NT5C2: variants seen among roughly 807,000 people sequenced by gnomAD.
The protein encoded by NT5C2 is 5'-nucleotidase, cytosolic II.
A neutral mutation model predicts 76.1 loss-of-function variants in NT5C2; 58 were observed. The ratio of observed to expected loss-of-function variants is 0.76; its 90% CI spans 0.62 to 0.95. NT5C2 has a LOEUF of 0.95. Ranked by LOEUF, NT5C2 falls within the 40% of genes least tolerant of loss-of-function variation. The probability of loss-of-function intolerance (pLI) is 0.00; values close to 1 mark genes in which losing one functional copy is unlikely to be tolerated. For synonymous variants in NT5C2, 229 were observed against 237.4 expected (o/e 0.96, Z 0.32); for missense variants, 478 against 690.3 (o/e 0.69, Z 3.45).
chr10:103,162,723 T>C (rs1188509341), intron 3 of NT5C2, among the ~76,000 whole-genome samples: 1 of 152,190 alleles, frequency 6.6e-6, no homozygotes, highest in African/African-American at 2.4e-5. Context: ...TGAATGTATA[T>C]ATCCACAAAA....
At chr10:103,160,595 C>T (rs1425546751) in intron 3 of NT5C2, among the ~76,000 whole-genome samples, 1 of 152,130 alleles carries the variant, frequency 6.6e-6, no homozygotes, top group Non-Finnish European at 1.5e-5. Flanking sequence ...AACACCTAAA[C>T]AGACACTTCA....
At chr10:103,172,420 T>C (rs2088407163) in intron 3 of NT5C2, among the ~76,000 whole-genome samples, 1 of 151,452 alleles carries the variant, frequency 6.6e-6, no homozygotes, top group South Asian at 2.1e-4. Flanking sequence ...GGCTAATTTT[T>C]GTATTTTTAG....
chr10:103,110,503 C>T (rs2072722673), intron 4 of NT5C2, among the ~76,000 whole-genome samples: 1 of 151,632 alleles, frequency 6.6e-6, no homozygotes, highest in Non-Finnish European at 1.5e-5. Context: ...TATATACTAC[C>T]ACTGCAAAAA....
intron 4 of NT5C2, among the ~76,000 whole-genome samples, chr10:103,122,693 C>T (rs1034153774): frequency 2.6e-5 from 4 of 152,188 alleles, no homozygotes; most frequent in Admixed American, 1.3e-4. Context: ...TTCTCACCTT[C>T]CCCTAAAGCA....
chr10:103,146,361 A>G lies in NT5C2; in HGVS notation c.102-6882T>C, dbSNP rs980573348. On this transcript the variant is annotated intron_variant, in intron 3 of 18. Coordinates refer to ENST00000404739, the MANE Select transcript of NT5C2 (RefSeq NM_001351169.2). The stretch of plus-strand genomic sequence containing the variant: ...TCACAATTTCCTGGCCAAGTGCCCA[A>G]TGACAGTTAGTGCAACAACAAATGA... The G allele has an allele frequency of 6.1e-6, 6 of 985,298 alleles. No homozygotes were observed. In the African/African-American group the frequency reaches 7.0e-5, roughly 11 times the overall value. The allele number at this position is 985,298 out of a possible 1,614,324, so 61.0% of individuals were successfully genotyped here. A position where few individuals can be genotyped will look rare whatever the true frequency, so the allele number is the denominator to read the frequency against.
Position 103,089,965 on chromosome 10 carries a change from C to G in NT5C2, c.1450-57G>C. ...CAGGCAGAGCAAAGTAGCTACTCCC[C>G]AAATCCTAACCCCTCTCCTCTGTTA... On this transcript the variant is annotated intron_variant, in intron 18 of 18. Transcript: ENST00000404739. 17 of 1,410,532 alleles carry G rather than the reference C, an allele frequency of 1.2e-5. No individual in the cohort carries two copies. In the South Asian group the frequency reaches 2.1e-4, roughly 17 times the overall value. The allele number at this position is 1,410,532 out of a possible 1,614,324, so 87.4% of individuals were successfully genotyped here.
intron 3 of NT5C2, among the ~76,000 whole-genome samples, chr10:103,150,447 T>C (rs2082208142): frequency 6.6e-6 from 1 of 152,214 alleles, no homozygotes; most frequent in Non-Finnish European, 1.5e-5. Context: ...TTGGTTTGTT[T>C]CCAGCTTTCG....
At chr10:103,129,492 C>A (rs1241456257) in intron 4 of NT5C2, among the ~76,000 whole-genome samples, 11 of 110,462 alleles carry the variant, frequency 1.0e-4, no homozygotes, top group African/African-American at 1.4e-4. Flanking sequence ...TCAGCCCCCC[C>A]ACCCGGCCAG....
At chr10:103,174,706 A>C (rs2089379318) in intron 3 of NT5C2, 152 bp downstream of exon 3, 1 of 601,122 alleles carries the variant, frequency 1.7e-6, no homozygotes, top group Non-Finnish European at 3.0e-6. Flanking sequence ...ACTAGTAGTT[A>C]AAAGTCTCGA....
chr10:103,089,571 C>T lies in NT5C2; in HGVS notation c.*101G>A. ...TTTTCAGACGTACCTTTCATGGAGC[C>T]CCCTCCCTCCCCCGAGTAGAACCCT... On this transcript the variant is annotated 3_prime_UTR_variant, in exon 19 of 19. Coordinates refer to ENST00000404739, the MANE Select transcript of NT5C2 (RefSeq NM_001351169.2). The T allele has an allele frequency of 7.0e-7, 1 of 1,423,020 alleles. No individual in the cohort carries two copies. The highest frequency in any genetic ancestry group is 9.2e-7 in the Non-Finnish European group (1 of 1,086,474). The allele number at this position is 1,423,020 out of a possible 1,614,324, so 88.1% of individuals were successfully genotyped here. A position where few individuals can be genotyped will look rare whatever the true frequency, so the allele number is the denominator to read the frequency against.
intron 3 of NT5C2, among the ~76,000 whole-genome samples, chr10:103,149,370 G>A (rs981710977): frequency 2.0e-5 from 3 of 152,128 alleles, no homozygotes; most frequent in Non-Finnish European, 2.9e-5. Flanking sequence ...AATATTTAAG[G>A]AAAAGACATT....
chr10:103,152,208 G>A (rs2082530660), intron 3 of NT5C2, among the ~76,000 whole-genome samples: 1 of 152,184 alleles, frequency 6.6e-6, no homozygotes, highest in Non-Finnish European at 1.5e-5. Context: ...TCTATAGCCA[G>A]TGGTAGAAGG....
At chr10:103,129,394 A>G (rs1275916170) in intron 4 of NT5C2, among the ~76,000 whole-genome samples, 8 of 98,100 alleles carry the variant, frequency 8.2e-5, no homozygotes, top group Non-Finnish European at 1.3e-4. Flanking sequence ...CTGGGAGGTG[A>G]GGGGCGCCTC....
chr10:103,151,372 G>A (rs565936627), intron 3 of NT5C2, among the ~76,000 whole-genome samples: 16 of 151,902 alleles, frequency 1.1e-4, no homozygotes, highest in Non-Finnish European at 2.2e-4. Flanking sequence ...GGCTGAGGCA[G>A]GAGAATCGCT....
intron 3 of NT5C2, among the ~76,000 whole-genome samples, chr10:103,144,843 A>T (rs909784164): frequency 6.6e-6 from 1 of 152,240 alleles, no homozygotes; most frequent in Admixed American, 6.5e-5. Context: ...TTTTCCTATG[A>T]AGTTCTACCA....
chr10:103,133,520 C>G (rs941699951), intron 4 of NT5C2, among the ~76,000 whole-genome samples: 3 of 152,200 alleles, frequency 2.0e-5, no homozygotes, highest in Admixed American at 6.5e-5. Flanking sequence ...TTCAACCTCT[C>G]AAAGTGCTGG....
At chr10:103,120,293 T>G (rs1206134460) in intron 4 of NT5C2, among the ~76,000 whole-genome samples, 2 of 151,940 alleles carry the variant, frequency 1.3e-5, no homozygotes, top group Non-Finnish European at 2.9e-5. Context: ...AAACTGGACT[T>G]CAAAATTAAA....
intron 16 of NT5C2, among the ~76,000 whole-genome samples, chr10:103,091,265 T>C (rs778731618): frequency 6.6e-6 from 1 of 152,116 alleles, no homozygotes; most frequent in Non-Finnish European, 1.5e-5. Flanking sequence ...GTCTCAAACT[T>C]CTGGCCTCAA....
At chr10:103,122,487 T>G (rs1246304085) in intron 4 of NT5C2, among the ~76,000 whole-genome samples, 1 of 152,226 alleles carries the variant, frequency 6.6e-6, no homozygotes, top group African/African-American at 2.4e-5. Flanking sequence ...GGGAGCAGCA[T>G]GAGAAATAGA....
Sources: gnomAD v4.1 joint callset for allele counts (sites outside exome capture counted in the v4.1 genomes callset) on GRCh38, gnomAD v4.1.1 for gene constraint, MANE v1.5 for transcripts, NCBI Gene and HGNC (gene_info 2026-07-23, HGNC 2026-07-21) for gene names.